GRIA2: variants seen among roughly 807,000 people sequenced by gnomAD.
GRIA2 encodes the protein glutamate receptor 2.
GRIA2 carries 14 observed loss-of-function variants against 97.3 expected under a neutral mutation model. The observed-to-expected ratio is 0.14, with a 90% confidence interval of 0.10 to 0.23. The LOEUF is 0.23. Among genes scored for constraint, GRIA2 ranks in the 10% least tolerant of loss-of-function variants. GRIA2 has a pLI of 1.00. For synonymous variants in GRIA2, 412 were observed against 387.8 expected (o/e 1.06, Z -0.73); for missense variants, 558 against 1,069.8 (o/e 0.52, Z 6.67).
chr4:157,307,544 A>C (rs1733896137), intron 3 of GRIA2, among the ~76,000 whole-genome samples: 1 of 152,158 alleles, frequency 6.6e-6, no homozygotes, highest in African/African-American at 2.4e-5. Context: ...GCATATCATC[A>C]CTCCATAAAG....
At chr4:157,291,555 G>A (rs868824536) in intron 2 of GRIA2, among the ~76,000 whole-genome samples, 2 of 151,850 alleles carry the variant, frequency 1.3e-5, no homozygotes, top group South Asian at 2.1e-4. Flanking sequence ...ATTATGAGCT[G>A]CATAAAAGAG....
At chr4:157,252,185 G>A (rs1731048760) in intron 2 of GRIA2, among the ~76,000 whole-genome samples, 1 of 152,022 alleles carries the variant, frequency 6.6e-6, no homozygotes, top group Non-Finnish European at 1.5e-5. Flanking sequence ...TTTGTATTCT[G>A]CAAAACCAAA....
chr4:157,362,748 C>T (rs527832266), intron 14 of GRIA2, 51 bp from the exon 15 acceptor site: 1 of 1,512,408 alleles, frequency 6.6e-7, no homozygotes, highest in African/African-American at 1.4e-5. Context: ...CTGTTCTCTT[C>T]TATTCACCAG....
At chr4:157,274,419 A>T (rs1396889032) in intron 2 of GRIA2, among the ~76,000 whole-genome samples, 1 of 151,066 alleles carries the variant, frequency 6.6e-6, no homozygotes. Context: ...CACAATGTGC[A>T]GGTTTGTTAC....
chr4:157,324,082 G>A (rs1004024397), intron 6 of GRIA2, among the ~76,000 whole-genome samples: 10 of 152,076 alleles, frequency 6.6e-5, no homozygotes, highest in African/African-American at 2.4e-4. Context: ...ACTTGCAAAG[G>A]GTTAGCACAG....
intron 2 of GRIA2, among the ~76,000 whole-genome samples, chr4:157,227,899 A>G (rs144793014): frequency 6.6e-6 from 1 of 152,324 alleles, no homozygotes; most frequent in African/African-American, 2.4e-5. Flanking sequence ...GAAAATGTTC[A>G]AACATCAAAA....
intron 2 of GRIA2, among the ~76,000 whole-genome samples, chr4:157,259,248 T>G (rs1427769444): frequency 6.6e-6 from 1 of 151,750 alleles, no homozygotes; most frequent in African/African-American, 2.4e-5. Context: ...ATAAATAAAG[T>G]GAAGAGGAAG....
intron 12 of GRIA2, among the ~76,000 whole-genome samples, chr4:157,348,665 A>T (rs1475863386): frequency 6.6e-6 from 1 of 152,150 alleles, no homozygotes; most frequent in Admixed American, 6.6e-5. Flanking sequence ...ATAGTAGAGG[A>T]TGTTTTATAG....
At chr4:157,326,700 A>C (rs1457387936) in intron 6 of GRIA2, among the ~76,000 whole-genome samples, 1 of 152,206 alleles carries the variant, frequency 6.6e-6, no homozygotes, top group Admixed American at 6.5e-5. Context: ...AGGAAAATAT[A>C]AATATTTCCA....
chr4:157,339,438 A>G (rs1213048937), intron 11 of GRIA2, among the ~76,000 whole-genome samples: 1 of 151,964 alleles, frequency 6.6e-6, no homozygotes, highest in East Asian at 1.9e-4. Flanking sequence ...AGAAACATGA[A>G]TTGATACTTT....
At chr4:157,312,188 T>C (rs752954646) in intron 3 of GRIA2, among the ~76,000 whole-genome samples, 1 of 152,040 alleles carries the variant, frequency 6.6e-6, no homozygotes, top group Non-Finnish European at 1.5e-5. Context: ...AGCAGCCTCA[T>C]AAAGAATATT....
chr4:157,311,254 G>A (rs1231464464), intron 3 of GRIA2, among the ~76,000 whole-genome samples: 2 of 151,882 alleles, frequency 1.3e-5, no homozygotes, highest in East Asian at 1.9e-4. Flanking sequence ...CCAAAGTCAA[G>A]CACGTTTTTA....
chr4:157,365,512 A>G lies in GRIA2; in HGVS notation c.*2081A>G, dbSNP rs1245462370. ...TGTCAAGCTTGAACTAATGTAAATA[A>G]TTGAAATAATGTAAAGTTATATTTT... On this transcript the variant is annotated 3_prime_UTR_variant, in exon 16 of 16. Transcript: ENST00000264426. 6.6e-6 allele frequency: 1 copy of G among 152,166 alleles called. No homozygotes were observed. The highest frequency in any genetic ancestry group is 2.4e-5 in the African/African-American group (1 of 41,520). The allele number at this position is 152,166 out of a possible 1,614,324, so 9.4% of individuals were successfully genotyped here.
At chr4:157,343,522 T>A (rs1735637255) in intron 12 of GRIA2, among the ~76,000 whole-genome samples, 1 of 152,070 alleles carries the variant, frequency 6.6e-6, no homozygotes, top group African/African-American at 2.4e-5. Flanking sequence ...GTTTGTGTAA[T>A]GCTAGAGACA....
chr4:157,360,069 C>T lies in GRIA2; in HGVS notation c.2217C>T (p.Cys739=), dbSNP rs373605932. The T allele has an allele frequency of 7.7e-5, 125 of 1,613,686 alleles. No homozygotes were observed. The highest frequency in any genetic ancestry group is 3.5e-4 in the South Asian group (32 of 91,066). ...AGTACATTGAGCAAAGGAAGCCTTG[C>T]GACACCATGAAAGTTGGTGGAAACC... ...MNEYIEQRKP[C]DTMKVGGNLD... The change falls in exon 13 of 16, where the codon TGC becomes TGT. Residue 739 remains cysteine (C), a synonymous_variant. Coordinates refer to ENST00000264426, the MANE Select transcript of GRIA2 (RefSeq NM_001083619.3).
chr4:157,359,943 T>C lies in GRIA2; in HGVS notation c.2091T>C (p.Ser697=). The C allele has an allele frequency of 1.2e-6, 2 of 1,613,556 alleles. No individual in the cohort carries two copies. The highest frequency in any genetic ancestry group is 8.5e-7 in the Non-Finnish European group (1 of 1,179,662). The change falls in exon 13 of 16, where the codon AGT becomes AGC. Residue 697 remains serine (S), a synonymous_variant. Coordinates refer to ENST00000264426, the MANE Select transcript of GRIA2 (RefSeq NM_001083619.3). ...VFDKMWTYMR[S]AEPSVFVRTT... Reference sequence around the variant, plus strand: ...ATAAAATGTGGACCTACATGCGGAGTGCGGAGCCCTCTGTGTTTGTGAGGA... The same window carrying C: ...ATAAAATGTGGACCTACATGCGGAGCGCGGAGCCCTCTGTGTTTGTGAGGA...
intron 6 of GRIA2, among the ~76,000 whole-genome samples, chr4:157,330,841 T>A (rs1275870855): frequency 1.3e-5 from 2 of 151,932 alleles, no homozygotes; most frequent in African/African-American, 4.8e-5. Context: ...AATTTCCAAC[T>A]CAGCTGAGGG....
chr4:157,232,684 C>T lies in GRIA2; in HGVS notation c.229+10877C>T, dbSNP rs1310946143. Reference sequence around the variant, plus strand: ...CTTTGGAGGGAAGGACCATAAAATCCTCATCTTTATATTTCAGAGCACACA... The same window carrying T: ...CTTTGGAGGGAAGGACCATAAAATCTTCATCTTTATATTTCAGAGCACACA... On this transcript the variant is annotated intron_variant, in intron 2 of 15. Transcript: ENST00000264426. Among the ~76,000 whole-genome samples, 4 of 152,012 alleles carry T rather than the reference C, an allele frequency of 2.6e-5. No individual in the cohort carries two copies. In the East Asian group the frequency reaches 5.8e-4, roughly 22 times the overall value.
At position 157,361,549 on chromosome 4, in the gene GRIA2, A is replaced by G; in HGVS notation, c.2406+425A>G. On this transcript the variant is annotated intron_variant, in intron 14 of 15. Coordinates refer to ENST00000264426, the MANE Select transcript of GRIA2 (RefSeq NM_001083619.3). The surrounding 1 kb of genome is among the most constrained non-coding windows in gnomAD (Gnocchi z 5.2). ...TTTTCCACGTGAAGAACCCCAGTAA[A>G]TCTTGCAGTATTGAAACTCAGTGAG... 6.3e-7 allele frequency: 1 copy of G among 1,597,534 alleles called. No homozygotes were observed. Among genetic ancestry groups the G allele is most frequent in the Non-Finnish European group, 8.6e-7 (1 of 1,165,178 alleles).
Sources: gnomAD v4.1 joint callset for allele counts (sites outside exome capture counted in the v4.1 genomes callset) on GRCh38, gnomAD v4.1.1 for gene constraint, Gnocchi (gnomAD v3.1) non-coding constraint, MANE v1.5 for transcripts, NCBI Gene and HGNC (gene_info 2026-07-23, HGNC 2026-07-21) for gene names.